The following MCPH1 variants were observed in gnomAD, a reference collection of about 807,000 sequenced individuals.
The protein encoded by MCPH1 is microcephalin.
MCPH1 carries 104 observed loss-of-function variants against 84.5 expected under a neutral mutation model. The ratio of observed to expected loss-of-function variants is 1.23; its 90% CI spans 1.05 to 1.45. The LOEUF (loss-of-function observed/expected upper bound fraction) is 1.45, where lower values mean the gene tolerates loss of function less well. MCPH1 is among the 40% of genes most tolerant of loss of function. The pLI is 0.00. For missense variants in MCPH1, 1,498 were observed against 1,005.7 expected (o/e 1.49, Z -6.62); for synonymous variants, 514 against 366.8 (o/e 1.40, Z -4.58).
At chr8:6,528,979 CTTT>C (rs1169179605) in intron 12 of MCPH1, among the ~76,000 whole-genome samples, 1 of 152,210 alleles carries the variant, frequency 6.6e-6, no homozygotes, top group African/African-American at 2.4e-5. Flanking sequence ...CCTACGTCTT[CTTT>C]GAGTCCAAAC....
chr8:6,576,549 C>G (rs911809229), intron 12 of MCPH1, among the ~76,000 whole-genome samples: 19 of 150,508 alleles, frequency 1.3e-4, no homozygotes, highest in South Asian at 4.3e-4. Context: ...CCCTCTGTCC[C>G]CCAGGCTGGA....
intron 12 of MCPH1, among the ~76,000 whole-genome samples, chr8:6,599,955 T>C (rs1829234097): frequency 6.6e-6 from 1 of 152,234 alleles, no homozygotes; most frequent in African/African-American, 2.4e-5. Flanking sequence ...TGGGGAATTG[T>C]ATTAGAGATT....
At chr8:6,431,663 ACTT>A in intron 4 of MCPH1, 77 bp downstream of exon 4, 3 of 981,752 alleles carry the variant, frequency 3.1e-6, no homozygotes. Context: ...AGAAAATAAA[ACTT>A]CTAGAAATAT....
intron 5 of MCPH1, among the ~76,000 whole-genome samples, chr8:6,437,421 G>C (rs1478436463): frequency 6.6e-6 from 1 of 152,040 alleles, no homozygotes; most frequent in Admixed American, 6.5e-5. Flanking sequence ...AGTAGAAACA[G>C]GGTTTCACCA....
intron 13 of MCPH1, chr8:6,624,911 G>A: frequency 7.4e-6 from 7 of 942,438 alleles, no homozygotes; most frequent in Non-Finnish European, 8.8e-6. Flanking sequence ...GTCTCGCTGT[G>A]TCACCAGGCT....
chr8:6,596,760 G>C (rs1320533652), intron 12 of MCPH1, among the ~76,000 whole-genome samples: 1 of 152,194 alleles, frequency 6.6e-6, no homozygotes, highest in African/African-American at 2.4e-5. Context: ...ACCCCAGCCA[G>C]ATCAACGCGA....
intron 12 of MCPH1, among the ~76,000 whole-genome samples, chr8:6,551,398 A>G (rs1200812590): frequency 2.0e-5 from 3 of 152,254 alleles, no homozygotes; most frequent in African/African-American, 4.8e-5. Flanking sequence ...TAAACAAATT[A>G]TATGTATTAA....
intron 12 of MCPH1, among the ~76,000 whole-genome samples, chr8:6,611,855 T>G (rs564685640): frequency 1.7e-4 from 26 of 152,214 alleles, no homozygotes; most frequent in Non-Finnish European, 3.2e-4. Context: ...CCTGACCTCG[T>G]GATCCACCCA....
In MCPH1 at chr8:6,619,850, C is replaced by G. The variant is rs182595878; in HGVS notation, c.2215-1604C>G. Among the ~76,000 whole-genome samples, 140 of 152,320 alleles carry G rather than the reference C, an allele frequency of 9.2e-4. 1 individual carries two copies. Among genetic ancestry groups the G allele is most frequent in the African/African-American group, 3.0e-3 (125 of 41,574 alleles). On this transcript the variant is annotated intron_variant, in intron 12 of 13. Coordinates refer to ENST00000344683, the MANE Select transcript of MCPH1 (RefSeq NM_024596.5). ...CTGCCCGCCTCAGCCTCGCAAAGTG[C>G]TGGGATTACAGGTGTGAGCCACCGT...
intron 12 of MCPH1, among the ~76,000 whole-genome samples, chr8:6,555,484 C>T (rs2129575294): frequency 7.0e-6 from 1 of 142,718 alleles, no homozygotes; most frequent in East Asian, 2.0e-4. Context: ...TTTTTGGAGA[C>T]AGGATCTCAC....
At chr8:6,445,740 T>C in intron 8 of MCPH1, 193 bp downstream of exon 8, 2 of 1,388,218 alleles carry the variant, frequency 1.4e-6, no homozygotes, top group Non-Finnish European at 9.3e-7. Context: ...GTGGAACTTC[T>C]AGACTTATTG....
At chr8:6,621,366 A>G (rs1831391234) in intron 12 of MCPH1, 88 bp from the exon 13 acceptor site, 2 of 1,511,438 alleles carry the variant, frequency 1.3e-6, no homozygotes, top group Non-Finnish European at 9.1e-7. Flanking sequence ...TCTTTTCATA[A>G]AAAAGGAAGT....
At chr8:6,596,029 T>C (rs1828900741) in intron 12 of MCPH1, among the ~76,000 whole-genome samples, 1 of 152,244 alleles carries the variant, frequency 6.6e-6, no homozygotes, top group Non-Finnish European at 1.5e-5. Flanking sequence ...CATTTATTTA[T>C]TTTTACAAAA....
intron 9 of MCPH1, among the ~76,000 whole-genome samples, chr8:6,473,190 T>G (rs1441106545): frequency 6.6e-6 from 1 of 152,088 alleles, no homozygotes. Flanking sequence ...TTTTAAATGT[T>G]TAGTCTTTAG....
chr8:6,461,636 G>A (rs1253796057), intron 9 of MCPH1, among the ~76,000 whole-genome samples: 1 of 152,056 alleles, frequency 6.6e-6, no homozygotes, highest in Non-Finnish European at 1.5e-5. Context: ...CACCACACCC[G>A]GCCTGGTGAG....
chr8:6,463,082 G>C (rs980533103), intron 9 of MCPH1, among the ~76,000 whole-genome samples: 1 of 152,218 alleles, frequency 6.6e-6, no homozygotes, highest in Admixed American at 6.5e-5. Flanking sequence ...TCTTGGGCAG[G>C]GGGTGAGTAT....
intron 9 of MCPH1, among the ~76,000 whole-genome samples, chr8:6,475,225 C>G (rs566621448): frequency 1.2e-4 from 19 of 152,366 alleles, no homozygotes; most frequent in African/African-American, 4.3e-4. Flanking sequence ...ACCAGTGCAG[C>G]TAATGACCCT....
At chr8:6,469,148 C>G (rs1807386780) in intron 9 of MCPH1, among the ~76,000 whole-genome samples, 1 of 152,124 alleles carries the variant, frequency 6.6e-6, no homozygotes, top group African/African-American at 2.4e-5. Context: ...CCACTGCACT[C>G]CAGCCTGGGC....
rs73661725 is a variant in MCPH1, at chr8:6,424,898, A to G, written c.234-6601A>G. On this transcript the variant is annotated intron_variant, in intron 3 of 13. Coordinates refer to ENST00000344683, the MANE Select transcript of MCPH1 (RefSeq NM_024596.5). ...TGCTTCGCGGCTGGAATCTTCAAGG[A>G]GATGCCATTCACTTTTTTACCTCAC... Among the ~76,000 whole-genome samples, 1,515 of 152,342 alleles carry G rather than the reference A, an allele frequency of 9.9e-3. 26 individuals are homozygous for G. Among genetic ancestry groups the G allele is most frequent in the African/African-American group, 0.035 (1,462 of 41,568 alleles).
Sources: gnomAD v4.1 joint callset for allele counts (sites outside exome capture counted in the v4.1 genomes callset) on GRCh38, gnomAD v4.1.1 for gene constraint, MANE v1.5 for transcripts, NCBI Gene and HGNC (gene_info 2026-07-23, HGNC 2026-07-21) for gene names.